CSMD1: variants seen among roughly 807,000 people sequenced by gnomAD.
The protein encoded by CSMD1 is CUB and sushi domain-containing protein 1.
Under a neutral mutation model 417.5 loss-of-function variants are expected in CSMD1, and 213 were observed. The observed-to-expected ratio is 0.51, with a 90% CI of 0.46 to 0.57. The LOEUF (loss-of-function observed/expected upper bound fraction) is 0.57, where lower values mean the gene tolerates loss of function less well. Among genes scored for constraint, CSMD1 ranks in the 20% least tolerant of loss-of-function variants. The pLI, the probability that CSMD1 is intolerant of heterozygous loss-of-function variation, is 0.00. For missense variants in CSMD1, 6,923 were observed against 4,529.7 expected, an observed-to-expected ratio of 1.53 and a Z score of -15.17; for synonymous variants, 2,862 against 1,736.8, an observed-to-expected ratio of 1.65 and a Z score of -16.11.
intron 1 of CSMD1, among the ~76,000 whole-genome samples, chr8:4,673,091 C>G (rs1443668905): frequency 6.6e-6 from 1 of 151,664 alleles, no homozygotes; most frequent in Non-Finnish European, 1.5e-5. Context: ...TGAAACAACA[C>G]ACAAGCATGG....
intron 3 of CSMD1, among the ~76,000 whole-genome samples, chr8:4,074,570 C>T (rs1009413867): frequency 3.3e-5 from 5 of 151,904 alleles, no homozygotes; most frequent in African/African-American, 9.7e-5. Flanking sequence ...TTAAAGGATC[C>T]GACATAAATT....
chr8:4,668,708 C>A (rs545557359), intron 1 of CSMD1, among the ~76,000 whole-genome samples: 1 of 151,910 alleles, frequency 6.6e-6, no homozygotes, highest in South Asian at 2.1e-4. Flanking sequence ...CGTCAGCCTC[C>A]CAAAAATAAA....
At position 4,174,043 on chromosome 8, in the gene CSMD1, T is replaced by C. The variant is rs1797907572; in HGVS notation, c.416-141944A>G. ...GGCCAAGGGAATGCCCTGAGTTCAT[T>C]GGTTTAGGCCTGGGCCACCTGCCTG... On this transcript the variant is annotated intron_variant, in intron 3 of 69. Coordinates refer to ENST00000635120, the MANE Select transcript of CSMD1 (RefSeq NM_033225.6). Among the ~76,000 whole-genome samples the C allele has an allele frequency of 2.0e-5, 3 of 152,144 alleles. No homozygotes were observed. The South Asian group carries it at 6.2e-4, about 31-fold the overall frequency.
At chr8:3,524,456 TATGC>T (rs1371400054) in intron 10 of CSMD1, among the ~76,000 whole-genome samples, 4 of 143,632 alleles carry the variant, frequency 2.8e-5, no homozygotes, top group East Asian at 2.1e-4. Flanking sequence ...CACATGCACA[TATGC>T]ATGCACACCC....
intron 54 of CSMD1, among the ~76,000 whole-genome samples, chr8:2,985,604 AT>A (rs1051397678): frequency 9.2e-5 from 14 of 152,252 alleles, no homozygotes; most frequent in African/African-American, 2.9e-4. Flanking sequence ...CTTAAAAAAA[AT>A]ATTCAATGAA....
chr8:4,613,967 G>T (rs897132304), intron 2 of CSMD1, among the ~76,000 whole-genome samples: 1 of 151,788 alleles, frequency 6.6e-6, no homozygotes, highest in Non-Finnish European at 1.5e-5. Flanking sequence ...TTATTGTTAG[G>T]AATCTTCATG....
Position 4,222,345 on chromosome 8 carries a change from C to T in CSMD1, c.416-190246G>A, listed in dbSNP as rs970341702. Among the ~76,000 whole-genome samples the T allele has an allele frequency of 4.7e-5, 7 of 149,658 alleles. No homozygotes were observed. The South Asian group carries it at 1.1e-3, about 23-fold the overall frequency. ...GGATACAGTAGGTATCAGTGTTTTG[C>T]CTCAGTCTTATTCTGTAAACAGAAT... is the stretch of plus-strand genomic sequence containing the variant. On this transcript the variant is annotated intron_variant, in intron 3 of 69. Transcript: ENST00000635120.
chr8:3,410,438 T>A (rs945922955), intron 12 of CSMD1, among the ~76,000 whole-genome samples: 1 of 152,100 alleles, frequency 6.6e-6, no homozygotes. Flanking sequence ...TGGGAGGTAA[T>A]TGATCATGGG....
intron 6 of CSMD1, among the ~76,000 whole-genome samples, chr8:3,740,435 A>C (rs530650595): frequency 6.6e-6 from 1 of 152,322 alleles, no homozygotes; most frequent in African/African-American, 2.4e-5. Context: ...CTGGTACAGA[A>C]AAATAGGTAG....
At chr8:4,397,523 C>CTTTTTTTTTTT (rs57745028) in intron 3 of CSMD1, among the ~76,000 whole-genome samples, 8 of 59,958 alleles carry the variant, frequency 1.3e-4, no homozygotes, top group African/African-American at 4.9e-4. Flanking sequence ...GCCTGAGACT[C>CTTTTTTTTTTT]TTTTTTTTTT....
chr8:3,733,729 G>T (rs773977071), intron 6 of CSMD1, among the ~76,000 whole-genome samples: 3 of 152,166 alleles, frequency 2.0e-5, no homozygotes, highest in Non-Finnish European at 2.9e-5. Flanking sequence ...CCATGGGGTT[G>T]TGGTGTCTGT....
intron 5 of CSMD1, among the ~76,000 whole-genome samples, chr8:3,932,187 G>A (rs996495133): frequency 6.7e-6 from 1 of 150,322 alleles, no homozygotes; most frequent in Admixed American, 6.6e-5. Flanking sequence ...TGTAGACACT[G>A]TTTCATCGAT....
chr8:4,179,312 A>G (rs1304458045), intron 3 of CSMD1, among the ~76,000 whole-genome samples: 1 of 152,218 alleles, frequency 6.6e-6, no homozygotes, highest in Non-Finnish European at 1.5e-5. Context: ...AACCTGACAA[A>G]ACCAAGCAAT....
At chr8:3,034,106 T>A (rs1810516169) in intron 50 of CSMD1, among the ~76,000 whole-genome samples, 1 of 152,220 alleles carries the variant, frequency 6.6e-6, no homozygotes, top group Non-Finnish European at 1.5e-5. Context: ...CTTGCCTGGA[T>A]TTGAAGGCTG....
chr8:4,290,466 G>A (rs142695348), intron 3 of CSMD1, among the ~76,000 whole-genome samples: 1 of 152,146 alleles, frequency 6.6e-6, no homozygotes, highest in South Asian at 2.1e-4. Flanking sequence ...TTTTAAACAA[G>A]GGTCAGGGAC....
intron 17 of CSMD1, among the ~76,000 whole-genome samples, chr8:3,395,064 G>A (rs1258327068): frequency 6.6e-6 from 1 of 152,160 alleles, no homozygotes; most frequent in East Asian, 1.9e-4. Context: ...CAGGGAGAGG[G>A]TAACAAGAGT....
At chr8:4,191,744 C>CA (rs3065543) in intron 3 of CSMD1, among the ~76,000 whole-genome samples, 97,632 of 135,452 alleles carry the variant, frequency 0.72, 36,514 homozygotes, top group South Asian at 0.87. Context: ...AAGGTCATTC[C>CA]AAAAAAAAAA....
rs6995607 is a variant in CSMD1, at chr8:4,254,332, T to C, written c.415+165621A>G. The stretch of plus-strand genomic sequence containing the variant: ...ATTCGATTATTGATAACATTCGTTC[T>C]ATGGAGAGTCTGCTTGTATAGGGAA... On this transcript the variant is annotated intron_variant, in intron 3 of 69. Coordinates refer to ENST00000635120, the MANE Select transcript of CSMD1 (RefSeq NM_033225.6). 1.1e-3 allele frequency among the ~76,000 whole-genome samples: 170 copies of C among 152,104 alleles called. No homozygotes were observed. In the Middle Eastern group the frequency reaches 0.027, roughly 24 times the overall value.
Position 4,924,412 on chromosome 8 carries a change from G to T in CSMD1, c.85+69920C>A, listed in dbSNP as rs186052800. On this transcript the variant is annotated intron_variant, in intron 1 of 69. Transcript: ENST00000635120. ...CTATATGATATTTTCAATAAAAGAT[G>T]TAATAGTAAACATAAGTATAAAACC... 7.9e-5 allele frequency among the ~76,000 whole-genome samples: 12 copies of T among 152,224 alleles called. No individual in the cohort carries two copies. The East Asian group carries it at 2.3e-3, about 29-fold the overall frequency.
Sources: allele counts gnomAD v4.1 joint callset (sites outside exome capture counted in the v4.1 genomes callset), GRCh38; gene constraint gnomAD v4.1.1; transcripts MANE v1.5; gene names NCBI Gene and HGNC (gene_info 2026-07-23, HGNC 2026-07-21).